The following CERS6 variants were observed in gnomAD, a reference collection of about 807,000 sequenced individuals.
The protein encoded by CERS6 is ceramide synthase 6.
A neutral mutation model predicts 56.8 loss-of-function variants in CERS6; 26 were observed. That is an observed-to-expected ratio of 0.46 (90% CI 0.34 to 0.63). CERS6 has a LOEUF of 0.63. Among genes scored for constraint, CERS6 ranks in the 30% least tolerant of loss-of-function variants. The probability of loss-of-function intolerance (pLI) is 0.01; values close to 1 mark genes in which losing one functional copy is unlikely to be tolerated. For missense variants in CERS6, 415 were observed against 467.5 expected (o/e 0.89, Z 1.04); for synonymous variants, 164 against 173.3 (o/e 0.95, Z 0.42).
At chr2:168,596,316 C>G (rs1488358844) in intron 3 of CERS6, among the ~76,000 whole-genome samples, 1 of 149,300 alleles carries the variant, frequency 6.7e-6, no homozygotes, top group Non-Finnish European at 1.5e-5. Flanking sequence ...GGGTGGAGAC[C>G]AGATTATGTG....
chr2:168,516,504 C>T (rs182760269), intron 1 of CERS6, among the ~76,000 whole-genome samples: 2 of 152,198 alleles, frequency 1.3e-5, no homozygotes, highest in African/African-American at 4.8e-5. Context: ...CTTTGCCATA[C>T]GACTTTGAAA....
rs1006018825 is a variant in CERS6 at position 168,769,498 on chromosome 2, T to C, written c.1003-12T>C. ...TAGGTGCTGGTTATACTCACCTGCTTCTACTCCACAGGTGTCCAAGGATGA... is the reference window on the plus strand; with the variant it reads ...TAGGTGCTGGTTATACTCACCTGCTCCTACTCCACAGGTGTCCAAGGATGA... On this transcript the variant is annotated splice_polypyrimidine_tract_variant and intron_variant, in intron 9 of 9. Coordinates refer to ENST00000305747, the MANE Select transcript of CERS6 (RefSeq NM_203463.3). The C allele has an allele frequency of 1.9e-6, 3 of 1,571,886 alleles. No homozygotes were observed. The African/African-American group carries it at 4.1e-5, about 22-fold the overall frequency.
intron 4 of CERS6, among the ~76,000 whole-genome samples, chr2:168,646,721 G>A (rs745818169): frequency 5.3e-5 from 8 of 152,132 alleles, no homozygotes; most frequent in Non-Finnish European, 1.0e-4. Context: ...TGTATATGGT[G>A]TAAGGAAGGG....
intron 4 of CERS6, among the ~76,000 whole-genome samples, chr2:168,638,021 C>T (rs1040563495): frequency 6.6e-6 from 1 of 151,476 alleles, no homozygotes; most frequent in African/African-American, 2.4e-5. Flanking sequence ...AATTAAAAGT[C>T]GAATTCCATT....
At chr2:168,623,975 G>A (rs1237225911) in intron 3 of CERS6, among the ~76,000 whole-genome samples, 1 of 152,130 alleles carries the variant, frequency 6.6e-6, no homozygotes, top group African/African-American at 2.4e-5. Context: ...TGGGCTCTTA[G>A]GGACCCTACC....
chr2:168,522,232 C>T (rs1221244617), intron 1 of CERS6, among the ~76,000 whole-genome samples: 5 of 152,050 alleles, frequency 3.3e-5, no homozygotes, highest in Non-Finnish European at 5.9e-5. Flanking sequence ...GTGTAGTAGG[C>T]ACAGGTGGTA....
chr2:168,648,795 A>AT (rs1471048772), intron 4 of CERS6, among the ~76,000 whole-genome samples: 1 of 151,996 alleles, frequency 6.6e-6, no homozygotes, highest in Non-Finnish European at 1.5e-5. Context: ...TAATTGCATG[A>AT]TTTTGAGCAC....
chr2:168,644,244 T>G, intron 4 of CERS6: 2 of 957,058 alleles, frequency 2.1e-6, no homozygotes, highest in Non-Finnish European at 2.5e-6. Flanking sequence ...AAGTCTGAAC[T>G]GAGCATGTGA....
At chr2:168,717,777 G>A (rs1490821806) in intron 7 of CERS6, 95 bp from the exon 8 acceptor site, 6 of 789,242 alleles carry the variant, frequency 7.6e-6, no homozygotes, top group East Asian at 2.8e-5. Context: ...TATGCATCTG[G>A]TAAGGTATAT....
intron 1 of CERS6, among the ~76,000 whole-genome samples, chr2:168,526,615 TAATATC>T (rs1695076881): frequency 2.0e-5 from 3 of 152,228 alleles, no homozygotes; most frequent in Non-Finnish European, 4.4e-5. Context: ...TAAACTAACT[TAATATC>T]TCACAGCTAG....
intron 4 of CERS6, among the ~76,000 whole-genome samples, chr2:168,669,821 T>A (rs906650503): frequency 5.9e-5 from 9 of 152,216 alleles, no homozygotes; most frequent in African/African-American, 2.2e-4. Flanking sequence ...AACTCATATA[T>A]CTTAACATAC....
At chr2:168,744,258 G>A (rs1055302939) in intron 8 of CERS6, among the ~76,000 whole-genome samples, 19 of 151,930 alleles carry the variant, frequency 1.3e-4, no homozygotes, top group Admixed American at 8.5e-4. Context: ...GCCCACCTCG[G>A]CCTCCCAAAG....
At chr2:168,650,621 T>G (rs1010429770) in intron 4 of CERS6, among the ~76,000 whole-genome samples, 1 of 152,076 alleles carries the variant, frequency 6.6e-6, no homozygotes, top group Admixed American at 6.5e-5. Context: ...TTTATTACAC[T>G]CCAAAGGCAG....
In CERS6 at chr2:168,769,493, C is replaced by G. The variant is rs891878553; in HGVS notation, c.1003-17C>G. Reference sequence around the variant, plus strand: ...TTTCTTAGGTGCTGGTTATACTCACCTGCTTCTACTCCACAGGTGTCCAAG... The same window carrying G: ...TTTCTTAGGTGCTGGTTATACTCACGTGCTTCTACTCCACAGGTGTCCAAG... On this transcript the variant is annotated splice_polypyrimidine_tract_variant and intron_variant, in intron 9 of 9. Coordinates refer to ENST00000305747, the MANE Select transcript of CERS6 (RefSeq NM_203463.3). 1.1e-5 allele frequency: 17 copies of G among 1,566,556 alleles called. No homozygotes were observed. In the Admixed American group the frequency reaches 2.1e-4, roughly 19 times the overall value.
At chr2:168,543,731 A>G (rs1412766894) in intron 1 of CERS6, among the ~76,000 whole-genome samples, 2 of 152,196 alleles carry the variant, frequency 1.3e-5, no homozygotes, top group African/African-American at 4.8e-5. Context: ...TTTTAAAAAA[A>G]TCTTGAAAAT....
At chr2:168,545,889 G>A (rs1205869581) in intron 1 of CERS6, among the ~76,000 whole-genome samples, 2 of 152,150 alleles carry the variant, frequency 1.3e-5, no homozygotes, top group East Asian at 3.8e-4. Flanking sequence ...TGTCAGAGGT[G>A]TGGGAAGGGG....
chr2:168,629,325 G>A (rs919162734), intron 3 of CERS6, among the ~76,000 whole-genome samples: 6 of 152,106 alleles, frequency 3.9e-5, no homozygotes, highest in Admixed American at 1.3e-4. Context: ...TCTCGGAGTT[G>A]CAAATTCATT....
At chr2:168,543,891 G>A (rs576175318) in intron 1 of CERS6, among the ~76,000 whole-genome samples, 1 of 152,272 alleles carries the variant, frequency 6.6e-6, no homozygotes, top group Admixed American at 6.5e-5. Context: ...GGAGTGGTCA[G>A]TCTCCTACCT....
At position 168,497,809 on chromosome 2, in the gene CERS6, G is replaced by A. The variant is rs914061362; in HGVS notation, c.170+41191G>A. On this transcript the variant is annotated intron_variant, in intron 1 of 9. Coordinates refer to ENST00000305747, the MANE Select transcript of CERS6 (RefSeq NM_203463.3). ...TTGAGTGACATGAGCTTCCTTCTTGGTTGCTGCATAGAGGGGAGATGCAGA... is the reference window on the plus strand; with the variant it reads ...TTGAGTGACATGAGCTTCCTTCTTGATTGCTGCATAGAGGGGAGATGCAGA... Among the ~76,000 whole-genome samples the A allele has an allele frequency of 3.3e-5, 5 of 152,274 alleles. 1 individual carries two copies. Among genetic ancestry groups the A allele is most frequent in the African/African-American group, 1.2e-4 (5 of 41,558 alleles).
Sources: allele counts gnomAD v4.1 joint callset (sites outside exome capture counted in the v4.1 genomes callset), GRCh38; gene constraint gnomAD v4.1.1; transcripts MANE v1.5; gene names NCBI Gene and HGNC (gene_info 2026-07-23, HGNC 2026-07-21).